Variants in GPRIN3 observed in about 807,000 individuals in gnomAD.
GPRIN3 encodes the protein GPRIN family member 3, also known as G protein-regulated inducer of neurite outgrowth 3.
In GPRIN3, 12 loss-of-function variants were observed where a neutral mutation model predicts 13.7. The ratio of observed to expected loss-of-function variants is 0.87; its 90% CI spans 0.56 to 1.42. GPRIN3 has a LOEUF of 1.42. Ranked by LOEUF, GPRIN3 falls within the 40% of genes most tolerant of loss-of-function variation. The probability of loss-of-function intolerance (pLI) is 0.00; values close to 1 mark genes in which losing one functional copy is unlikely to be tolerated. For synonymous variants in GPRIN3, 377 were observed against 372.7 expected (o/e 1.01, Z -0.13); for missense variants, 1,009 against 958.7 (o/e 1.05, Z -0.69).
At chr4:89,262,621 G>A (rs1265940326) in intron 1 of GPRIN3, among the ~76,000 whole-genome samples, 3 of 152,100 alleles carry the variant, frequency 2.0e-5, no homozygotes, top group African/African-American at 4.8e-5. Context: ...ATGCAACTAA[G>A]GAAACCATAA....
In GPRIN3 at chr4:89,244,606, T is replaced by C. The variant is rs1402514194; in HGVS notation, c.*3174A>G. 2 of 152,108 alleles carry C rather than the reference T, an allele frequency of 1.3e-5. No individual in the cohort carries two copies. Among genetic ancestry groups the C allele is most frequent in the East Asian group, 1.9e-4 (1 of 5,190 alleles). The allele number at this position is 152,108 out of a possible 1,614,324, so 9.4% of individuals were successfully genotyped here. On this transcript the variant is annotated 3_prime_UTR_variant, in exon 2 of 2. Coordinates refer to ENST00000609438, the MANE Select transcript of GPRIN3 (RefSeq NM_198281.3). Reference sequence around the variant, plus strand: ...GCATTCAAAGTCAATAATCCAGAAATACATAATTAGAAAAGCATTCAAGAT... The same window carrying C: ...GCATTCAAAGTCAATAATCCAGAAACACATAATTAGAAAAGCATTCAAGAT...
intron 1 of GPRIN3, among the ~76,000 whole-genome samples, chr4:89,286,424 C>T (rs1412516669): frequency 6.6e-6 from 1 of 152,044 alleles, no homozygotes; most frequent in East Asian, 1.9e-4. Context: ...CCCTTTCAGC[C>T]AAGTTTGTCT....
chr4:89,261,948 C>G (rs1040771903), intron 1 of GPRIN3, among the ~76,000 whole-genome samples: 156 of 151,772 alleles, frequency 1.0e-3, no homozygotes, highest in African/African-American at 3.5e-3. Context: ...CCCGTCTCTA[C>G]TAAAAATACA....
intron 1 of GPRIN3, among the ~76,000 whole-genome samples, chr4:89,293,084 G>A (rs72872585): frequency 1.5e-3 from 221 of 152,284 alleles, no homozygotes; most frequent in African/African-American, 4.9e-3. Flanking sequence ...ACAAGTTCTA[G>A]TTGTGTATAG....
In GPRIN3 at chr4:89,244,052, A is replaced by G. The variant is rs1723020001; in HGVS notation, c.*3728T>C. The G allele has an allele frequency of 6.6e-6, 1 of 152,222 alleles. No homozygotes were observed. Among genetic ancestry groups the G allele is most frequent in the Non-Finnish European group, 1.5e-5 (1 of 68,044 alleles). The allele number at this position is 152,222 out of a possible 1,614,324, so 9.4% of individuals were successfully genotyped here. A position where few individuals can be genotyped will look rare whatever the true frequency, so the allele number is the denominator to read the frequency against. ...TCCTCTGTAAACACATTTTAAAGTA[A>G]CATCATACTCTGTTCTTGGTATGCT... On this transcript the variant is annotated 3_prime_UTR_variant, in exon 2 of 2. Transcript: ENST00000609438.
In GPRIN3 at chr4:89,241,620, C is replaced by T. The variant is rs1285188691; in HGVS notation, c.*6160G>A. 6.6e-6 allele frequency: 1 copy of T among 152,166 alleles called. No individual in the cohort carries two copies. The highest frequency in any genetic ancestry group is 2.4e-5 in the African/African-American group (1 of 41,432). The allele number at this position is 152,166 out of a possible 1,614,324, so 9.4% of individuals were successfully genotyped here. A position where few individuals can be genotyped will look rare whatever the true frequency, so the allele number is the denominator to read the frequency against. On this transcript the variant is annotated 3_prime_UTR_variant, in exon 2 of 2. Coordinates refer to ENST00000609438, the MANE Select transcript of GPRIN3 (RefSeq NM_198281.3). ...CTTAAAACAAGAATTAGTCTTTCCT[C>T]TCCTCTAGGGATTGGGGAGTATGAC...
At chr4:89,288,332 G>A (rs1724479426) in intron 1 of GPRIN3, among the ~76,000 whole-genome samples, 1 of 152,112 alleles carries the variant, frequency 6.6e-6, no homozygotes, top group Admixed American at 6.5e-5. Flanking sequence ...TAGATTTGAT[G>A]GTTGTTCTAT....
intron 1 of GPRIN3, among the ~76,000 whole-genome samples, chr4:89,296,477 C>T (rs901739239): frequency 1.3e-5 from 2 of 152,022 alleles, no homozygotes; most frequent in African/African-American, 4.8e-5. Context: ...CTTAGTATTC[C>T]ATTTGCAATG....
At chr4:89,284,996 C>T (rs1313450869) in intron 1 of GPRIN3, among the ~76,000 whole-genome samples, 1 of 152,122 alleles carries the variant, frequency 6.6e-6, no homozygotes, top group Non-Finnish European at 1.5e-5. Context: ...AGGCCTTTTG[C>T]ATGTCTGACA....
At chr4:89,273,786 C>T (rs539342334) in intron 1 of GPRIN3, among the ~76,000 whole-genome samples, 1 of 152,330 alleles carries the variant, frequency 6.6e-6, no homozygotes, top group South Asian at 2.1e-4. Flanking sequence ...GTGATATGAC[C>T]TCACGAACCT....
intron 1 of GPRIN3, 161 bp from the exon 2 acceptor site, chr4:89,250,394 T>A (rs1291836777): frequency 1.3e-5 from 4 of 298,762 alleles, no homozygotes; most frequent in African/African-American, 6.5e-5. Context: ...AATAAATAAA[T>A]AAAAATAGAC....
At chr4:89,278,859 A>G (rs1220656318) in intron 1 of GPRIN3, among the ~76,000 whole-genome samples, 1 of 152,224 alleles carries the variant, frequency 6.6e-6, no homozygotes, top group Middle Eastern at 3.2e-3. Flanking sequence ...TGGGGTAGTC[A>G]CAGAATTGAG....
intron 1 of GPRIN3, among the ~76,000 whole-genome samples, chr4:89,288,675 T>C (rs1724490533): frequency 6.6e-6 from 1 of 152,228 alleles, no homozygotes; most frequent in Non-Finnish European, 1.5e-5. Flanking sequence ...AAACTGGGGC[T>C]GAACTACATT....
chr4:89,238,891 A>G lies in GPRIN3; in HGVS notation c.*8889T>C, dbSNP rs1282269064. ...TATTACATTTATTATGAAAAGTGAG[A>G]TGCAAAAAAATCATAATCTAAATTT... On this transcript the variant is annotated 3_prime_UTR_variant, in exon 2 of 2. Transcript: ENST00000609438. The G allele has an allele frequency of 6.6e-6, 1 of 152,238 alleles. No homozygotes were observed. The highest frequency in any genetic ancestry group is 1.9e-4 in the East Asian group (1 of 5,200). 9.4% of individuals were successfully genotyped at this position (152,238 alleles called of 1,614,324 possible). A position where few individuals can be genotyped will look rare whatever the true frequency, so the allele number is the denominator to read the frequency against.
intron 1 of GPRIN3, among the ~76,000 whole-genome samples, chr4:89,266,629 G>A (rs759750758): frequency 3.9e-5 from 6 of 152,128 alleles, no homozygotes; most frequent in African/African-American, 9.7e-5. Flanking sequence ...TAGGAAAATC[G>A]TTGTAAACAC....
chr4:89,304,530 T>G (rs1361518317), intron 1 of GPRIN3, among the ~76,000 whole-genome samples: 1 of 152,218 alleles, frequency 6.6e-6, no homozygotes, highest in African/African-American at 2.4e-5. Context: ...CTTCACAGTG[T>G]GCTAGTTTGA....
intron 1 of GPRIN3, among the ~76,000 whole-genome samples, chr4:89,254,128 G>GGGGGGTGTGTGTGT (rs150483417): frequency 4.1e-5 from 6 of 147,644 alleles, no homozygotes; most frequent in Non-Finnish European, 9.0e-5. Flanking sequence ...GTTGCATCTG[G>GGGGGGTGTGTGTGT]GTGTGTGTGT....
chr4:89,262,628 A>G (rs1030724627), intron 1 of GPRIN3, among the ~76,000 whole-genome samples: 4 of 152,172 alleles, frequency 2.6e-5, no homozygotes, highest in Admixed American at 6.5e-5. Flanking sequence ...TAAGGAAACC[A>G]TAATTTTCTT....
rs747042141 is a variant in GPRIN3 at position 89,240,363 on chromosome 4, T to A, written c.*7417A>T. The A allele has an allele frequency of 4.6e-5, 7 of 152,200 alleles. No homozygotes were observed. The highest frequency in any genetic ancestry group is 2.1e-4 in the South Asian group (1 of 4,828). The allele number at this position is 152,200 out of a possible 1,614,324, so 9.4% of individuals were successfully genotyped here. On this transcript the variant is annotated 3_prime_UTR_variant, in exon 2 of 2. Coordinates refer to ENST00000609438, the MANE Select transcript of GPRIN3 (RefSeq NM_198281.3). ...ACATCATCTGCAATTTTTTTTCATT[T>A]AAATCTTTGACTTCTCTTCGGTGTT...
Sources: allele counts gnomAD v4.1 joint callset (sites outside exome capture counted in the v4.1 genomes callset), GRCh38; gene constraint gnomAD v4.1.1; transcripts MANE v1.5; gene names NCBI Gene and HGNC (gene_info 2026-07-23, HGNC 2026-07-21).